Variants in IGF2R observed in about 807,000 individuals in gnomAD.
The protein encoded by IGF2R is insulin like growth factor 2 receptor, also known as cation-independent mannose-6-phosphate receptor.
IGF2R carries 91 observed loss-of-function variants against 270.6 expected under a neutral mutation model. That is an observed-to-expected ratio of 0.34 (90% CI 0.28 to 0.40). The LOEUF is 0.40. Ranked by LOEUF, IGF2R falls within the 10% of genes least tolerant of loss-of-function variation. IGF2R has a pLI of 1.00. For synonymous variants in IGF2R, 1,316 were observed against 1,258.9 expected, an observed-to-expected ratio of 1.05 and a Z score of -0.96; for missense variants, 2,805 against 3,188.3, an observed-to-expected ratio of 0.88 and a Z score of 2.90.
intron 5 of IGF2R, among the ~76,000 whole-genome samples, chr6:160,026,434 T>C (rs751982758): frequency 3.9e-5 from 6 of 152,226 alleles, no homozygotes; most frequent in Non-Finnish European, 7.3e-5. Context: ...TTTGAATCCC[T>C]TCTGTGTGCT....
intron 1 of IGF2R, among the ~76,000 whole-genome samples, chr6:159,980,183 AAAAGAAAGAAAGAAAGAAAGAAAG>A (rs57599343): frequency 0.017 from 2,094 of 121,972 alleles, 208 homozygotes; most frequent in Admixed American, 0.12. Flanking sequence ...TCCGTCTCAA[AAAAGAAAGAAAGAAAGAAAGAAAG>A]AAAGAAAGAA....
Position 160,102,389 on chromosome 6 carries a change from G to T in IGF2R, c.6843-130G>T. ...TGGGACTTGTGGCCTTGTTTTCTGG[G>T]CAGGAGTAAGAATCACATGGTGTTG... On this transcript the variant is annotated intron_variant, in intron 45 of 47. Coordinates refer to ENST00000356956, the MANE Select transcript of IGF2R (RefSeq NM_000876.4). The surrounding 1 kb of genome is among the most constrained non-coding windows in gnomAD (Gnocchi z 4.5). 9.9e-7 allele frequency: 1 copy of T among 1,014,514 alleles called. No homozygotes were observed. The highest frequency in any genetic ancestry group is 1.5e-6 in the Non-Finnish European group (1 of 678,134). 62.8% of individuals were successfully genotyped at this position (1,014,514 alleles called of 1,614,324 possible).
At chr6:160,057,505 C>G (rs1166742124) in intron 20 of IGF2R, among the ~76,000 whole-genome samples, 1 of 152,156 alleles carries the variant, frequency 6.6e-6, no homozygotes, top group Non-Finnish European at 1.5e-5. Context: ...GCACCCTGTT[C>G]ATGGACAATG....
At position 160,070,063 on chromosome 6, in the gene IGF2R, G is replaced by C; in HGVS notation, c.4443+5G>C. 1 of 1,613,918 alleles carries C rather than the reference G, an allele frequency of 6.2e-7. No individual in the cohort carries two copies. Among genetic ancestry groups the C allele is most frequent in the Non-Finnish European group, 8.5e-7 (1 of 1,179,840 alleles). On this transcript the variant is annotated splice_donor_5th_base_variant and intron_variant, in intron 31 of 47. Coordinates refer to ENST00000356956, the MANE Select transcript of IGF2R (RefSeq NM_000876.4). The stretch of plus-strand genomic sequence containing the variant: ...ACCTGCAGCGAGAGCCAAGTGGTAA[G>C]GGACTGTTCCTGCACCTTCTGCTGT...
intron 1 of IGF2R, among the ~76,000 whole-genome samples, chr6:159,978,120 C>T (rs1783722350): frequency 2.0e-5 from 3 of 152,098 alleles, no homozygotes; most frequent in African/African-American, 7.2e-5. Context: ...TCTGCCTCAA[C>T]CAGAGAGCAT....
At chr6:160,068,183 C>T in intron 29 of IGF2R, 66 bp from the exon 30 acceptor site, 5 of 1,573,492 alleles carry the variant, frequency 3.2e-6, no homozygotes, top group South Asian at 2.3e-5. Context: ...CGTTTCTAGA[C>T]AGAGTGCCCA....
rs559931186 is a variant in IGF2R at position 160,093,793 on chromosome 6, G to A, written c.6656-2646G>A. The A allele has an allele frequency of 6.8e-6, 5 of 738,742 alleles. No homozygotes were observed. In the South Asian group the frequency reaches 6.8e-5, roughly 10 times the overall value. 45.8% of individuals were successfully genotyped at this position (738,742 alleles called of 1,614,324 possible). A position where few individuals can be genotyped will look rare whatever the true frequency, so the allele number is the denominator to read the frequency against. On this transcript the variant is annotated intron_variant, in intron 44 of 47. Transcript: ENST00000356956. ...TATATGATTTGGATAAAGATAACAA[G>A]ATCTCTCGTGATGAGCTGTTAAGGG...
chr6:160,026,526 AAGAT>A (rs1181562191), intron 5 of IGF2R, among the ~76,000 whole-genome samples: 1 of 152,220 alleles, frequency 6.6e-6, no homozygotes, highest in Admixed American at 6.5e-5. Context: ...GATAGGAGAA[AAGAT>A]AGATAGTAAA....
intron 30 of IGF2R, 36 bp from the exon 31 acceptor site, chr6:160,069,832 A>G: frequency 1.9e-6 from 3 of 1,603,300 alleles, no homozygotes; most frequent in Non-Finnish European, 1.7e-6. Context: ...CTGGGGAGTC[A>G]CTAAAGGCAA....
chr6:160,101,131 C>A (rs1020231671), intron 45 of IGF2R, among the ~76,000 whole-genome samples: 1 of 151,856 alleles, frequency 6.6e-6, no homozygotes, highest in Non-Finnish European at 1.5e-5. Context: ...TAACTACATA[C>A]ATGATGCAAT....
chr6:160,035,054 A>G (rs568029934), intron 10 of IGF2R, among the ~76,000 whole-genome samples: 1 of 152,296 alleles, frequency 6.6e-6, no homozygotes, highest in Non-Finnish European at 1.5e-5. Flanking sequence ...AGGCACTGGC[A>G]TATCAAAAAG....
intron 7 of IGF2R, among the ~76,000 whole-genome samples, chr6:160,030,043 G>C (rs1208367922): frequency 1.3e-5 from 2 of 152,154 alleles, no homozygotes; most frequent in African/African-American, 4.8e-5. Context: ...TTTCTTATGA[G>C]AAGCCTTTCC....
At chr6:160,024,817 C>T (rs965688430) in intron 5 of IGF2R, 113 bp downstream of exon 5, 32 of 1,209,998 alleles carry the variant, frequency 2.6e-5, no homozygotes, top group Non-Finnish European at 3.5e-5. Flanking sequence ...TCTGATTAGG[C>T]CCTCTAATAA....
chr6:160,041,400 T>C (rs1461465104), intron 11 of IGF2R, among the ~76,000 whole-genome samples: 1 of 152,014 alleles, frequency 6.6e-6, no homozygotes, highest in Non-Finnish European at 1.5e-5. Context: ...CTGCTGGCGG[T>C]ATGTTCTCGC....
At position 160,048,026 on chromosome 6, in the gene IGF2R, G is replaced by C. The variant is rs1018745181; in HGVS notation, c.2345+119G>C. The stretch of plus-strand genomic sequence containing the variant: ...AGTGATGCTGGCTGTGGGGCTGCAG[G>C]ACCAAGGTGGGGCATTTTCAGCAGA... On this transcript the variant is annotated intron_variant, in intron 17 of 47. Coordinates refer to ENST00000356956, the MANE Select transcript of IGF2R (RefSeq NM_000876.4). 6.7e-6 allele frequency: 5 copies of C among 743,944 alleles called. No homozygotes were observed. The African/African-American group carries it at 8.7e-5, about 13-fold the overall frequency. 46.1% of individuals were successfully genotyped at this position (743,944 alleles called of 1,614,324 possible).
In IGF2R at chr6:160,032,998, G is replaced by A; in HGVS notation, c.1102G>A (p.Glu368Lys). Residue 368 changes from glutamate (E) to lysine (K), a missense_variant, in exon 9 of 48, where the codon GAA (glutamate) becomes AAA (lysine). This residue lies in a region of IGF2R where 954 missense variants were observed against 981.1 expected (regional missense o/e 0.97). Transcript: ENST00000356956. ...TTTGTTTTATTTGAATGTCTGTGGA[G>A]AAACTGAAATACAGTTCTGTAATAA... ...EYLFYLNVCG[E>K]TEIQFCNKKQ... 1 of 1,603,590 alleles carries A rather than the reference G, an allele frequency of 6.2e-7. No individual in the cohort carries two copies. Among genetic ancestry groups the A allele is most frequent in the Admixed American group, 1.7e-5 (1 of 59,990 alleles).
intron 2 of IGF2R, among the ~76,000 whole-genome samples, chr6:160,008,472 G>A (rs993260807): frequency 2.6e-5 from 4 of 152,080 alleles, no homozygotes; most frequent in Non-Finnish European, 2.9e-5. Flanking sequence ...TTTTATTCTG[G>A]ACTGTTACAG....
chr6:159,988,406 G>C (rs146190218), intron 1 of IGF2R, among the ~76,000 whole-genome samples: 3,021 of 151,492 alleles, frequency 0.02, 47 homozygotes, highest in Non-Finnish European at 0.035. Flanking sequence ...TGCCAGCTAC[G>C]GGAGGCTGAG....
intron 1 of IGF2R, among the ~76,000 whole-genome samples, chr6:159,978,061 A>G (rs1783721674): frequency 6.6e-6 from 1 of 152,060 alleles, no homozygotes; most frequent in Non-Finnish European, 1.5e-5. Context: ...ATTTATTTTT[A>G]TAACCTGTTT....
Sources: allele counts gnomAD v4.1 joint callset (sites outside exome capture counted in the v4.1 genomes callset), GRCh38; gene constraint gnomAD v4.1.1; regional missense constraint gnomAD v4.1.1; non-coding constraint Gnocchi (gnomAD v3.1); transcripts MANE v1.5; gene names NCBI Gene and HGNC (gene_info 2026-07-23, HGNC 2026-07-21).